Variants in PPP5C observed in about 807,000 individuals in gnomAD.
PPP5C encodes the protein serine/threonine-protein phosphatase 5.
Under a neutral mutation model 66.7 loss-of-function variants are expected in PPP5C, and 21 were observed. That is an observed-to-expected ratio of 0.31 (90% confidence interval 0.22 to 0.45). PPP5C has a LOEUF of 0.45. Among genes scored for constraint, PPP5C ranks in the 20% least tolerant of loss-of-function variants. The pLI is 1.00. For missense variants in PPP5C, 464 were observed against 675.9 expected (o/e 0.69, Z 3.48); for synonymous variants, 246 against 257.4 (o/e 0.96, Z 0.43).
chr19:46,390,708 C>A lies in PPP5C; in HGVS notation c.*362C>A. 1 of 1,177,358 alleles carries A rather than the reference C, an allele frequency of 8.5e-7. No homozygotes were observed. The allele number at this position is 1,177,358 out of a possible 1,614,324, so 72.9% of individuals were successfully genotyped here. ...AATAGGGCCCCGCCATAGGAAGACC[C>A]CCAGAGAGAGGGTCAGCAGGGGGGC... On this transcript the variant is annotated 3_prime_UTR_variant, in exon 13 of 13. Transcript: ENST00000012443.
chr19:46,381,035 A>T (rs879277934), intron 4 of PPP5C, among the ~76,000 whole-genome samples: 11 of 152,170 alleles, frequency 7.2e-5, no homozygotes, highest in Non-Finnish European at 1.3e-4. Context: ...GATCTTAATG[A>T]CCTGAATTTT....
chr19:46,384,736 A>C, intron 6 of PPP5C, 68 bp from the exon 7 acceptor site: 7 of 1,233,128 alleles, frequency 5.7e-6, no homozygotes, highest in Non-Finnish European at 8.3e-6. Context: ...ATCTTCTGCC[A>C]CCACCCCCAA....
rs1441696792 is a variant in PPP5C, at chr19:46,353,752, G to A, written c.126G>A (p.Lys42=). The change falls in exon 2 of 13, where the codon AAG becomes AAA. Residue 42 remains lysine, a synonymous_variant. Coordinates refer to ENST00000012443, the MANE Select transcript of PPP5C (RefSeq NM_006247.4). ...KTQANDYFKA[K]DYENAIKFYS... is the part of the protein sequence containing the mutation. Reference sequence around the variant, plus strand: ...CCTCTTCTTCTGTCTCCGCAGCCAAGGACTACGAGAACGCCATCAAGTTCT... The same window carrying A: ...CCTCTTCTTCTGTCTCCGCAGCCAAAGACTACGAGAACGCCATCAAGTTCT... The A allele has an allele frequency of 1.9e-6, 3 of 1,614,124 alleles. No homozygotes were observed. Among genetic ancestry groups the A allele is most frequent in the Admixed American group, 3.3e-5 (2 of 60,032 alleles).
intron 1 of PPP5C, among the ~76,000 whole-genome samples, chr19:46,347,933 C>T (rs1205096310): frequency 7.4e-6 from 1 of 134,988 alleles, no homozygotes; most frequent in South Asian, 2.3e-4. Context: ...GCAGGTGAAC[C>T]AGACATGAAA....
Position 46,383,171 on chromosome 19 carries a change from G to T in PPP5C, c.634-240G>T. ...TGCTGAGTATTTTAAGATAATTCAA[G>T]AATCAGGTTTTCGTACAAAACAATC... On this transcript the variant is annotated intron_variant, in intron 4 of 12. Transcript: ENST00000012443. The surrounding 1 kb of genome is among the most constrained non-coding windows in gnomAD (Gnocchi z 5.0). 6.8e-7 allele frequency: 1 copy of T among 1,477,688 alleles called. No homozygotes were observed. The allele number at this position is 1,477,688 out of a possible 1,614,324, so 91.5% of individuals were successfully genotyped here.
intron 2 of PPP5C, 87 bp from the exon 3 acceptor site, chr19:46,375,517 T>C: frequency 1.3e-6 from 2 of 1,542,712 alleles, no homozygotes; most frequent in Non-Finnish European, 1.7e-6. Context: ...ACTTCCACTT[T>C]CATGGAACCC....
intron 2 of PPP5C, among the ~76,000 whole-genome samples, chr19:46,375,140 G>GTTAGAGACAT (rs1972669097): frequency 6.6e-6 from 1 of 152,164 alleles, no homozygotes; most frequent in African/African-American, 2.4e-5. Context: ...TAGGTAACCT[G>GTTAGAGACAT]GGCTTGGGGA....
chr19:46,359,676 G>A (rs770499795), intron 2 of PPP5C, among the ~76,000 whole-genome samples: 1 of 151,698 alleles, frequency 6.6e-6, no homozygotes, highest in Non-Finnish European at 1.5e-5. Context: ...ATAAGTTTTA[G>A]TGTTATACTT....
At position 46,387,363 on chromosome 19, in the gene PPP5C, C is replaced by T; in HGVS notation, c.1048-3C>T. The T allele has an allele frequency of 6.2e-7, 1 of 1,607,526 alleles. No individual in the cohort carries two copies. The highest frequency in any genetic ancestry group is 8.5e-7 in the Non-Finnish European group (1 of 1,174,804). On this transcript the variant is annotated splice_polypyrimidine_tract_variant and splice_region_variant and intron_variant, in intron 8 of 12. Transcript: ENST00000012443. Reference sequence around the variant, plus strand: ...CTCACAGCGGCATCCCCCATCTCCCCAGATCATGCACGGAGGCCTGTTCAG... The same window carrying T: ...CTCACAGCGGCATCCCCCATCTCCCTAGATCATGCACGGAGGCCTGTTCAG...
At chr19:46,389,322 A>AC (rs1972951445) in intron 11 of PPP5C, among the ~76,000 whole-genome samples, 1 of 144,248 alleles carries the variant, frequency 6.9e-6, no homozygotes, top group African/African-American at 2.9e-5. Flanking sequence ...ACTCCATCTC[A>AC]AAACACACGC....
At chr19:46,382,706 C>T (rs538719701) in intron 4 of PPP5C, 2 of 818,406 alleles carry the variant, frequency 2.4e-6, no homozygotes, top group African/African-American at 3.7e-5. Flanking sequence ...ACCTGGATCT[C>T]CCAAAAACAA....
chr19:46,374,867 C>T (rs1383425457), intron 2 of PPP5C, among the ~76,000 whole-genome samples: 2 of 152,182 alleles, frequency 1.3e-5, no homozygotes, highest in Non-Finnish European at 2.9e-5. Context: ...GAGGCAGACT[C>T]ACCTGCCTGA....
Position 46,388,465 on chromosome 19 carries a change from G to C in PPP5C, c.1176+17G>C, listed in dbSNP as rs1972930715. 1 of 1,611,690 alleles carries C rather than the reference G, an allele frequency of 6.2e-7. No individual in the cohort carries two copies. Among genetic ancestry groups the C allele is most frequent in the African/African-American group, 1.3e-5 (1 of 74,886 alleles). On this transcript the variant is annotated intron_variant, in intron 10 of 12. Transcript: ENST00000012443. The surrounding 1 kb of genome is among the most constrained non-coding windows in gnomAD (Gnocchi z 4.9). ...CAGCCACAGGTGAGTCTAGGGTGGG[G>C]TGCAGGGCCGGCGGGTGTGGGCTGT...
chr19:46,352,341 A>G lies in PPP5C; in HGVS notation c.122-1407A>G, dbSNP rs113759240. 1.1e-4 allele frequency among the ~76,000 whole-genome samples: 16 copies of G among 152,208 alleles called. No homozygotes were observed. The East Asian group carries it at 2.9e-3, about 28-fold the overall frequency. On this transcript the variant is annotated intron_variant, in intron 1 of 12. Coordinates refer to ENST00000012443, the MANE Select transcript of PPP5C (RefSeq NM_006247.4). ...GCTGCTGGTAGAAGGACTCTAGGAA[A>G]CCCTAGTCCACAGGGGGTTCCTCAG...
At chr19:46,377,001 C>T (rs933746961) in intron 4 of PPP5C, among the ~76,000 whole-genome samples, 2 of 152,202 alleles carry the variant, frequency 1.3e-5, no homozygotes, top group African/African-American at 2.4e-5. Flanking sequence ...AGGGTGTTAA[C>T]TGGTTGAGTG....
intron 2 of PPP5C, among the ~76,000 whole-genome samples, chr19:46,365,877 C>T (rs1194666205): frequency 1.3e-5 from 2 of 152,182 alleles, no homozygotes; most frequent in Non-Finnish European, 1.5e-5. Context: ...CCACCAGTGC[C>T]AGAATGCCAG....
chr19:46,380,293 C>T (rs1239473737), intron 4 of PPP5C, among the ~76,000 whole-genome samples: 1 of 151,618 alleles, frequency 6.6e-6, no homozygotes, highest in African/African-American at 2.4e-5. Context: ...GCACTCCAGC[C>T]TGGGCAACAG....
chr19:46,372,821 A>C (rs1174913847), intron 2 of PPP5C, among the ~76,000 whole-genome samples: 2 of 152,228 alleles, frequency 1.3e-5, no homozygotes, highest in Non-Finnish European at 2.9e-5. Context: ...CCACTTTAAA[A>C]AAAAAGTTCA....
chr19:46,347,959 A>G (rs961863563), intron 1 of PPP5C, among the ~76,000 whole-genome samples: 3 of 152,098 alleles, frequency 2.0e-5, no homozygotes, highest in Non-Finnish European at 2.9e-5. Flanking sequence ...AAAAACAAAA[A>G]AAAACCATGT....
Sources: allele counts gnomAD v4.1 joint callset (sites outside exome capture counted in the v4.1 genomes callset), GRCh38; gene constraint gnomAD v4.1.1; non-coding constraint Gnocchi (gnomAD v3.1); transcripts MANE v1.5; gene names NCBI Gene and HGNC (gene_info 2026-07-23, HGNC 2026-07-21).